The following PRELID3A variants were observed in gnomAD, a reference collection of about 807,000 sequenced individuals.
The protein encoded by PRELID3A is PRELI domain containing 3A.
PRELID3A carries 27 observed loss-of-function variants against 23.0 expected under a neutral mutation model. The ratio of observed to expected loss-of-function variants is 1.17; its 90% CI spans 0.87 to 1.62. PRELID3A has a LOEUF of 1.62. Among genes scored for constraint, PRELID3A ranks in the 40% most tolerant of loss-of-function variants. PRELID3A has a pLI of 0.00. For synonymous variants in PRELID3A, 87 were observed against 86.4 expected (o/e 1.01, Z -0.04); for missense variants, 231 against 231.4 (o/e 1.00, Z 0.01).
chr18:12,413,976 G>A (rs1014116499), intron 1 of PRELID3A, among the ~76,000 whole-genome samples: 3 of 152,170 alleles, frequency 2.0e-5, no homozygotes, highest in African/African-American at 7.2e-5. Context: ...TAATTTTCAA[G>A]AAATCATCTG....
At chr18:12,427,875 A>G (rs1240207953) in intron 5 of PRELID3A, among the ~76,000 whole-genome samples, 1 of 152,096 alleles carries the variant, frequency 6.6e-6, no homozygotes, top group African/African-American at 2.4e-5. Context: ...TTCTCAGTAG[A>G]GAAAGTATGG....
chr18:12,416,801 G>A (rs575461865), intron 1 of PRELID3A, among the ~76,000 whole-genome samples: 1,829 of 151,502 alleles, frequency 0.012, 36 homozygotes, highest in African/African-American at 0.039. Flanking sequence ...GCCTGCCACC[G>A]TGCCCGGCTA....
At chr18:12,418,027 G>A (rs190288018) in intron 1 of PRELID3A, among the ~76,000 whole-genome samples, 189 of 152,302 alleles carry the variant, frequency 1.2e-3, no homozygotes, top group African/African-American at 4.3e-3. Flanking sequence ...TCTCATCTGG[G>A]CCCTGCTGCT....
At chr18:12,417,328 C>T (rs1221301931) in intron 1 of PRELID3A, among the ~76,000 whole-genome samples, 1 of 152,046 alleles carries the variant, frequency 6.6e-6, no homozygotes, top group Non-Finnish European at 1.5e-5. Flanking sequence ...TGCCTGCCAC[C>T]ATGCCTGGCT....
chr18:12,425,580 C>T lies in PRELID3A; in HGVS notation c.292-1461C>T, dbSNP rs182542126. Among the ~76,000 whole-genome samples, 74 of 150,856 alleles carry T rather than the reference C, an allele frequency of 4.9e-4. No homozygotes were observed. In the East Asian group the frequency reaches 0.012, roughly 24 times the overall value. On this transcript the variant is annotated intron_variant, in intron 3 of 6. Transcript: ENST00000440960. ...CCAGAAGGCGGAGCTTGCAGTGAGCCGAGATCATGCCACTGCACTCCAGCC... is the reference window on the plus strand; with the variant it reads ...CCAGAAGGCGGAGCTTGCAGTGAGCTGAGATCATGCCACTGCACTCCAGCC...
intron 1 of PRELID3A, among the ~76,000 whole-genome samples, chr18:12,415,415 A>C (rs886851762): frequency 3.3e-5 from 5 of 151,842 alleles, no homozygotes; most frequent in Admixed American, 3.3e-4. Context: ...GTGCGCCACC[A>C]TGCCCAGCTA....
At chr18:12,422,503 C>T (rs1207294403) in intron 3 of PRELID3A, among the ~76,000 whole-genome samples, 3 of 151,918 alleles carry the variant, frequency 2.0e-5, no homozygotes, top group Admixed American at 6.6e-5. Flanking sequence ...GGATTACAGC[C>T]GCGTGCCACT....
chr18:12,416,934 A>G (rs750194124), intron 1 of PRELID3A, among the ~76,000 whole-genome samples: 11 of 151,872 alleles, frequency 7.2e-5, no homozygotes, highest in Non-Finnish European at 1.2e-4. Flanking sequence ...CACAAACTAC[A>G]GTACCCAGCC....
intron 2 of PRELID3A, chr18:12,421,282 T>C (rs527651990): frequency 7.1e-5 from 33 of 463,814 alleles, no homozygotes; most frequent in African/African-American, 6.0e-4. Flanking sequence ...CTAGCTCCAC[T>C]GCCCGCAGCC....
intron 1 of PRELID3A, among the ~76,000 whole-genome samples, chr18:12,417,227 G>A (rs2143344198): frequency 6.6e-6 from 1 of 152,228 alleles, no homozygotes; most frequent in Non-Finnish European, 1.5e-5. Flanking sequence ...AGACTGGAGT[G>A]CAGTGGCGCG....
intron 3 of PRELID3A, among the ~76,000 whole-genome samples, chr18:12,423,641 G>T (rs953971397): frequency 7.9e-5 from 12 of 152,160 alleles, no homozygotes; most frequent in African/African-American, 2.4e-4. Flanking sequence ...CTGAAGGTGC[G>T]GCCAGCAGTG....
chr18:12,413,668 C>A (rs1358929539), intron 1 of PRELID3A, among the ~76,000 whole-genome samples: 2 of 152,234 alleles, frequency 1.3e-5, no homozygotes, highest in Non-Finnish European at 2.9e-5. Context: ...ACTGCAACCT[C>A]TGCCTCCCAG....
At chr18:12,411,531 A>G (rs1909912781) in intron 1 of PRELID3A, among the ~76,000 whole-genome samples, 1 of 151,834 alleles carries the variant, frequency 6.6e-6, no homozygotes, top group Non-Finnish European at 1.5e-5. Flanking sequence ...GGTTTCAGGC[A>G]GACCTATGAC....
chr18:12,424,969 C>T (rs1231711059), intron 3 of PRELID3A, among the ~76,000 whole-genome samples: 1 of 152,018 alleles, frequency 6.6e-6, no homozygotes, highest in Non-Finnish European at 1.5e-5. Flanking sequence ...ATGGCAAAAC[C>T]CCATCTCTAC....
chr18:12,408,267 A>G (rs1909789728), intron 1 of PRELID3A, among the ~76,000 whole-genome samples: 1 of 151,346 alleles, frequency 6.6e-6, no homozygotes, highest in African/African-American at 2.4e-5. Flanking sequence ...GCAGGCACAG[A>G]GGCCCCGCTG....
At chr18:12,412,133 G>A (rs1226171175) in intron 1 of PRELID3A, among the ~76,000 whole-genome samples, 4 of 150,762 alleles carry the variant, frequency 2.7e-5, no homozygotes, top group Non-Finnish European at 5.9e-5. Context: ...CTCGTGATCC[G>A]CCCGCCTTGG....
chr18:12,426,362 G>T (rs9952699), intron 3 of PRELID3A, among the ~76,000 whole-genome samples: 137 of 150,194 alleles, frequency 9.1e-4, no homozygotes, highest in African/African-American at 3.1e-3. Context: ...AGACCATCCT[G>T]GCTAACACGG....
At chr18:12,408,443 AC>A (rs1909799093) in intron 1 of PRELID3A, among the ~76,000 whole-genome samples, 1 of 151,916 alleles carries the variant, frequency 6.6e-6, no homozygotes, top group African/African-American at 2.4e-5. Flanking sequence ...ATTGTCATAA[AC>A]CTTCCGCGCG....
chr18:12,423,766 C>G (rs529190717), intron 3 of PRELID3A, among the ~76,000 whole-genome samples: 13 of 152,320 alleles, frequency 8.5e-5, no homozygotes, highest in African/African-American at 3.1e-4. Flanking sequence ...AGTACCCGAA[C>G]CGGTACCTGG....
Sources: allele counts gnomAD v4.1 joint callset (sites outside exome capture counted in the v4.1 genomes callset), GRCh38; gene constraint gnomAD v4.1.1; transcripts MANE v1.5; gene names NCBI Gene and HGNC (gene_info 2026-07-23, HGNC 2026-07-21).